Variants in SASS6 observed in about 807,000 individuals in gnomAD.
The protein encoded by SASS6 is spindle assembly abnormal protein 6 homolog.
SASS6 carries 59 observed loss-of-function variants against 94.9 expected under a neutral mutation model. That is an observed-to-expected ratio of 0.62 (90% CI 0.50 to 0.77). The LOEUF (loss-of-function observed/expected upper bound fraction) is 0.77, where lower values mean the gene tolerates loss of function less well. Ranked by LOEUF, SASS6 falls within the 30% of genes least tolerant of loss-of-function variation. The pLI, the probability that SASS6 is intolerant of heterozygous loss-of-function variation, is 0.00. For synonymous variants in SASS6, 264 were observed against 270.0 expected, an observed-to-expected ratio of 0.98 and a Z score of 0.22; for missense variants, 698 against 734.1, an observed-to-expected ratio of 0.95 and a Z score of 0.57.
chr1:100,110,728 G>A (rs1653260157), intron 7 of SASS6, among the ~76,000 whole-genome samples: 1 of 151,604 alleles, frequency 6.6e-6, no homozygotes, highest in African/African-American at 2.4e-5. Context: ...CATAATTTTT[G>A]CTTCTTCTAA....
chr1:100,128,125 C>T (rs895500516), intron 1 of SASS6, among the ~76,000 whole-genome samples: 3 of 152,154 alleles, frequency 2.0e-5, no homozygotes, highest in Non-Finnish European at 4.4e-5. Flanking sequence ...CAACCTCCGC[C>T]TCCCAGGTTC....
chr1:100,107,033 A>T, intron 11 of SASS6, 40 bp from the exon 12 acceptor site: 1 of 844,766 alleles, frequency 1.2e-6, no homozygotes, highest in African/African-American at 1.7e-5. Context: ...AAGCAAAATA[A>T]AGGTTAAATA....
At chr1:100,096,433 T>G (rs541780903) in intron 14 of SASS6, among the ~76,000 whole-genome samples, 1 of 152,308 alleles carries the variant, frequency 6.6e-6, no homozygotes, top group Non-Finnish European at 1.5e-5. Context: ...ACTATAAAAG[T>G]TGTAGAAGAA....
rs759236832 is a variant in SASS6, at chr1:100,110,288, A to C, written c.861+4T>G. On this transcript the variant is annotated splice_donor_region_variant and intron_variant, in intron 8 of 16. Coordinates refer to ENST00000287482, the MANE Select transcript of SASS6 (RefSeq NM_194292.3). ...GGGGGAGGAAAAAAAACAACATTCA[A>C]TACCTCTTCAACACCAGAAAGTTTT... 11 of 1,532,844 alleles carry C rather than the reference A, an allele frequency of 7.2e-6. No individual in the cohort carries two copies. In the South Asian group the frequency reaches 1.0e-4, roughly 14 times the overall value. The allele number at this position is 1,532,844 out of a possible 1,614,324, so 95.0% of individuals were successfully genotyped here.
intron 7 of SASS6, among the ~76,000 whole-genome samples, chr1:100,112,530 A>G (rs1349865801): frequency 6.6e-6 from 1 of 152,212 alleles, no homozygotes; most frequent in Non-Finnish European, 1.5e-5. Flanking sequence ...ATAAAGAGAA[A>G]TAAAAAATGC....
intron 15 of SASS6, among the ~76,000 whole-genome samples, chr1:100,086,803 C>T (rs957986892): frequency 1.3e-5 from 2 of 151,704 alleles, no homozygotes; most frequent in Non-Finnish European, 2.9e-5. Context: ...GCCTCAGCCT[C>T]CCATGTAGCT....
intron 14 of SASS6, among the ~76,000 whole-genome samples, chr1:100,088,971 C>A (rs1308811476): frequency 6.6e-6 from 1 of 151,826 alleles, no homozygotes; most frequent in Non-Finnish European, 1.5e-5. Context: ...GAAAAATTAG[C>A]CAACAGAAAC....
intron 11 of SASS6, 111 bp from the exon 12 acceptor site, chr1:100,107,104 A>G (rs1394364320): frequency 1.6e-6 from 1 of 616,184 alleles, no homozygotes; most frequent in Non-Finnish European, 2.9e-6. Context: ...TACTACTATT[A>G]TTAAATGAGA....
rs138232315 is a variant in SASS6, at chr1:100,107,682, T to C, written c.1092A>G (p.Val364=). The change falls in exon 10 of 17, where the codon GTA becomes GTG. Residue 364 remains valine, a synonymous_variant. Coordinates refer to ENST00000287482, the MANE Select transcript of SASS6 (RefSeq NM_194292.3). ...VLEENGEKNQ[V]QLGKLEATIK... ...TTGTAGCTTCAAGCTTTCCTAGTTG[T>C]ACTTGATTTTTCTCACCATTTTCTT... The C allele has an allele frequency of 3.7e-6, 6 of 1,606,144 alleles. No homozygotes were observed. The highest frequency in any genetic ancestry group is 8.5e-7 in the Non-Finnish European group (1 of 1,175,810).
intron 14 of SASS6, among the ~76,000 whole-genome samples, chr1:100,097,875 T>C (rs1182311323): frequency 6.6e-6 from 1 of 152,160 alleles, no homozygotes; most frequent in Non-Finnish European, 1.5e-5. Context: ...TGTTGTATGA[T>C]TCTACTCATA....
rs10563016 is a variant in SASS6, at chr1:100,118,758, CAG to C, written c.669+258_669+259del. Among the ~76,000 whole-genome samples the C allele has an allele frequency of 0.78, 118,467 of 151,740 alleles. 47,692 individuals carry two copies. The highest frequency in any genetic ancestry group is 0.94 in the East Asian group (4,888 of 5,180). On this transcript the variant is annotated intron_variant, in intron 7 of 16. Coordinates refer to ENST00000287482, the MANE Select transcript of SASS6 (RefSeq NM_194292.3). ...GTACATATATAAATGACATAATTTA[CAG>C]AGTTATAAGTTTATAAACAAATATT...
At chr1:100,097,690 A>C (rs1395483248) in intron 14 of SASS6, among the ~76,000 whole-genome samples, 1 of 152,120 alleles carries the variant, frequency 6.6e-6, no homozygotes, top group Non-Finnish European at 1.5e-5. Context: ...GTACCTGGGC[A>C]TGGTGGCACA....
At chr1:100,123,498 G>T (rs536040232) in intron 2 of SASS6, among the ~76,000 whole-genome samples, 28 of 152,306 alleles carry the variant, frequency 1.8e-4, no homozygotes, top group African/African-American at 6.7e-4. Flanking sequence ...AAAGCCACAT[G>T]GAGGTCTGTA....
Position 100,093,177 on chromosome 1 carries a change from T to TC in SASS6, c.1675-4942_1675-4941insG, listed in dbSNP as rs200786455. Among the ~76,000 whole-genome samples, 1,227 of 134,244 alleles carry TC rather than the reference T, an allele frequency of 9.1e-3. 10 individuals carry two copies. Among genetic ancestry groups the TC allele is most frequent in the Non-Finnish European group, 0.014 (870 of 62,308 alleles). The allele number at this position is 134,244 out of a possible 152,430, so 88.1% of individuals were successfully genotyped here. ...AAAACAGAATACCTATTGTTTTCTT[T>TC]TTTTTTTTTTTTTTTTTTTTTGTGA... On this transcript the variant is annotated intron_variant, in intron 14 of 16. Coordinates refer to ENST00000287482, the MANE Select transcript of SASS6 (RefSeq NM_194292.3).
chr1:100,091,097 A>G (rs929334173), intron 14 of SASS6, among the ~76,000 whole-genome samples: 3 of 151,976 alleles, frequency 2.0e-5, no homozygotes, highest in African/African-American at 4.8e-5. Flanking sequence ...ATGAGGCCAG[A>G]AGTTTGAGAC....
At chr1:100,132,441 G>A (rs1161871202) in intron 1 of SASS6, among the ~76,000 whole-genome samples, 2 of 152,082 alleles carry the variant, frequency 1.3e-5, no homozygotes, top group Admixed American at 1.3e-4. Flanking sequence ...CTCTGGGCCA[G>A]AGTTCTTATC....
At chr1:100,100,498 A>G (rs780442182) in intron 14 of SASS6, among the ~76,000 whole-genome samples, 3 of 152,244 alleles carry the variant, frequency 2.0e-5, no homozygotes, top group Non-Finnish European at 4.4e-5. Context: ...GTATCCAAAA[A>G]TAAAAGAGAA....
rs780147019 is a variant in SASS6, at chr1:100,085,210, C to CT, written c.*117dup. On this transcript the variant is annotated 3_prime_UTR_variant, in exon 17 of 17. Coordinates refer to ENST00000287482, the MANE Select transcript of SASS6 (RefSeq NM_194292.3). The stretch of plus-strand genomic sequence containing the variant: ...AAAAGCAGTACTTAAAGTATCCAGT[C>CT]TTTAACAGCTCAAGTAAAATTTGAA... 4.1e-6 allele frequency: 3 copies of CT among 732,700 alleles called. No homozygotes were observed. The highest frequency in any genetic ancestry group is 3.5e-5 in the African/African-American group (2 of 57,136). 45.4% of individuals were successfully genotyped at this position (732,700 alleles called of 1,614,324 possible).
intron 5 of SASS6, 47 bp downstream of exon 5, chr1:100,121,331 C>G: frequency 1.8e-6 from 2 of 1,109,366 alleles, no homozygotes; most frequent in Non-Finnish European, 2.6e-6. Context: ...TATCAAAGAC[C>G]ATTGATACTT....
Sources: gnomAD v4.1 joint callset for allele counts (sites outside exome capture counted in the v4.1 genomes callset) on GRCh38, gnomAD v4.1.1 for gene constraint, MANE v1.5 for transcripts, NCBI Gene and HGNC (gene_info 2026-07-23, HGNC 2026-07-21) for gene names.